NFIA: variants seen among roughly 807,000 people sequenced by gnomAD.
NFIA encodes nuclear factor I A.
A neutral mutation model predicts 62.8 loss-of-function variants in NFIA; 8 were observed. The observed-to-expected ratio is 0.13, with a 90% CI of 0.07 to 0.23. The LOEUF (loss-of-function observed/expected upper bound fraction) is 0.23, where lower values mean the gene tolerates loss of function less well. Among genes scored for constraint, NFIA ranks in the 10% least tolerant of loss-of-function variants. NFIA has a pLI of 1.00. For synonymous variants in NFIA, 235 were observed against 238.1 expected, an observed-to-expected ratio of 0.99 and a Z score of 0.12; for missense variants, 410 against 642.1, an observed-to-expected ratio of 0.64 and a Z score of 3.91.
At chr1:61,267,622 A>G (rs1436159245) in intron 2 of NFIA, among the ~76,000 whole-genome samples, 1 of 152,248 alleles carries the variant, frequency 6.6e-6, no homozygotes, top group Non-Finnish European at 1.5e-5. Context: ...TTATCTCACT[A>G]GAAGAGCTAA....
At chr1:61,356,361 C>T (rs1290831943) in intron 5 of NFIA, among the ~76,000 whole-genome samples, 1 of 151,974 alleles carries the variant, frequency 6.6e-6, no homozygotes, top group African/African-American at 2.4e-5. Context: ...AGATGATTTC[C>T]AGTGGCTTTC....
intron 6 of NFIA, among the ~76,000 whole-genome samples, chr1:61,367,426 A>G (rs1436779812): frequency 6.6e-6 from 1 of 152,236 alleles, no homozygotes; most frequent in Non-Finnish European, 1.5e-5. Context: ...GAACATTGCC[A>G]TGGGATCGAT....
upstream of NFIA, among the ~76,000 whole-genome samples, chr1:61,081,525 G>A (rs1570104746): frequency 6.6e-6 from 1 of 152,218 alleles, no homozygotes; most frequent in Middle Eastern, 3.4e-3. Context: ...CCTTCCCTAA[G>A]GGGACATCCC....
chr1:61,372,723 C>T (rs1377125318), intron 6 of NFIA, among the ~76,000 whole-genome samples: 1 of 152,058 alleles, frequency 6.6e-6, no homozygotes, highest in South Asian at 2.1e-4. Context: ...GGTCCTTTTA[C>T]ATCCATGAAG....
chr1:61,406,557 C>CTG lies in NFIA; in HGVS notation c.1255-5_1255-4insTG. On this transcript the variant is annotated splice_polypyrimidine_tract_variant and splice_region_variant and intron_variant, in intron 8 of 10. Transcript: ENST00000403491. Reference sequence around the variant, plus strand: ...GTGTGTTTTCTGCCCCCCCCCCCCCCACAGCCCAATGGGAGCAGCCAAGGC... The same window carrying CTG: ...GTGTGTTTTCTGCCCCCCCCCCCCCCTGACAGCCCAATGGGAGCAGCCAAGGC... 1 of 1,317,500 alleles carries CTG rather than the reference C, an allele frequency of 7.6e-7. No individual in the cohort carries two copies. The highest frequency in any genetic ancestry group is 4.0e-5 in the East Asian group (1 of 24,832). 81.6% of individuals were successfully genotyped at this position (1,317,500 alleles called of 1,614,324 possible).
At chr1:61,208,322 A>G (rs1653028072) in intron 2 of NFIA, among the ~76,000 whole-genome samples, 2 of 152,126 alleles carry the variant, frequency 1.3e-5, no homozygotes, top group South Asian at 4.1e-4. Flanking sequence ...GCTAGTTTGG[A>G]AAAGTATGGT....
intron 2 of NFIA, among the ~76,000 whole-genome samples, chr1:61,156,959 T>G (rs916978851): frequency 6.6e-6 from 1 of 152,144 alleles, no homozygotes; most frequent in African/African-American, 2.4e-5. Flanking sequence ...GGCAAAAAAA[T>G]TAAAGCTCTC....
chr1:61,439,495 C>T (rs1035061739), intron 10 of NFIA: 1 of 152,166 alleles, frequency 6.6e-6, no homozygotes, highest in Non-Finnish European at 1.5e-5. Context: ...ATTGATCTCA[C>T]TCCGATGGTG....
intron 2 of NFIA, among the ~76,000 whole-genome samples, chr1:61,185,002 A>T (rs559158324): frequency 6.6e-6 from 1 of 152,364 alleles, no homozygotes; most frequent in African/African-American, 2.4e-5. Flanking sequence ...GCTTAACGTT[A>T]ATATGAGAAC....
chr1:61,393,705 T>G (rs967392311), intron 7 of NFIA, among the ~76,000 whole-genome samples: 11 of 152,068 alleles, frequency 7.2e-5, no homozygotes, highest in Non-Finnish European at 1.2e-4. Context: ...AAAGAAACAT[T>G]AGAGCTCTGT....
intron 3 of NFIA, among the ~76,000 whole-genome samples, chr1:61,317,870 A>C (rs974927574): frequency 6.6e-6 from 1 of 152,102 alleles, no homozygotes; most frequent in African/African-American, 2.4e-5. Context: ...AAGCATTTTA[A>C]GTGTACTATT....
intron 2 of NFIA, among the ~76,000 whole-genome samples, chr1:61,198,923 C>A (rs566617159): frequency 6.6e-6 from 1 of 152,188 alleles, no homozygotes; most frequent in Non-Finnish European, 1.5e-5. Flanking sequence ...GGCTTGCCCC[C>A]CTCCTTCATC....
Position 61,352,436 on chromosome 1 carries a change from T to C in NFIA, c.701-14T>C. 6.3e-7 allele frequency: 1 copy of C among 1,579,988 alleles called. No individual in the cohort carries two copies. The highest frequency in any genetic ancestry group is 8.7e-7 in the Non-Finnish European group (1 of 1,150,870). ...CAGAATTTAACTGATTTTTGTTTGT[T>C]TTCTTAATTCTAGCACCAATAGCTG... On this transcript the variant is annotated splice_polypyrimidine_tract_variant and intron_variant, in intron 4 of 10. Transcript: ENST00000403491.
At chr1:61,149,189 C>G (rs551274440) in intron 2 of NFIA, among the ~76,000 whole-genome samples, 3 of 151,930 alleles carry the variant, frequency 2.0e-5, no homozygotes, top group East Asian at 3.9e-4. Flanking sequence ...AGCAACCACA[C>G]CCAGCCTGAA....
At chr1:61,294,493 T>C (rs922656267) in intron 3 of NFIA, among the ~76,000 whole-genome samples, 1 of 152,244 alleles carries the variant, frequency 6.6e-6, no homozygotes, top group African/African-American at 2.4e-5. Context: ...AATCATTCTT[T>C]TCATTTGCCA....
At chr1:61,356,878 A>AT (rs1392517795) in intron 5 of NFIA, among the ~76,000 whole-genome samples, 1 of 152,082 alleles carries the variant, frequency 6.6e-6, no homozygotes, top group East Asian at 1.9e-4. Flanking sequence ...GGCCCTCCAC[A>AT]TTTTTTCATT....
chr1:61,186,695 C>T (rs973402275), intron 2 of NFIA, among the ~76,000 whole-genome samples: 7 of 152,042 alleles, frequency 4.6e-5, no homozygotes, highest in African/African-American at 1.7e-4. Flanking sequence ...AAAATATGTC[C>T]CCTAGAGATA....
In NFIA at chr1:61,321,442, G is replaced by GGGAA. The variant is rs199717406; in HGVS notation, c.626-11050_626-11047dup. Among the ~76,000 whole-genome samples, 147 of 151,530 alleles carry GGGAA rather than the reference G, an allele frequency of 9.7e-4. 2 individuals are homozygous for GGGAA. The East Asian group carries it at 0.014, about 14-fold the overall frequency. On this transcript the variant is annotated intron_variant, in intron 3 of 10. Coordinates refer to ENST00000403491, the MANE Select transcript of NFIA (RefSeq NM_001134673.4). Reference sequence around the variant, plus strand: ...GGGAGGGAGGAAGGAAGGAAAGGAAGGGAAGGAAGGAAGGAAGGAAGGACG... The same window carrying GGGAA: ...GGGAGGGAGGAAGGAAGGAAAGGAAGGGAAGGAAGGAAGGAAGGAAGGAAGGACG...
intron 6 of NFIA, among the ~76,000 whole-genome samples, chr1:61,382,433 TAAG>T (rs1664466686): frequency 1.3e-5 from 2 of 152,162 alleles, no homozygotes; most frequent in African/African-American, 2.4e-5. Flanking sequence ...AAAAGACAGG[TAAG>T]CAAAACAAAG....
Sources: gnomAD v4.1 joint callset for allele counts (sites outside exome capture counted in the v4.1 genomes callset) on GRCh38, gnomAD v4.1.1 for gene constraint, MANE v1.5 for transcripts, NCBI Gene and HGNC (gene_info 2026-07-23, HGNC 2026-07-21) for gene names.